PDE4D: variants seen among roughly 807,000 people sequenced by gnomAD.
The protein encoded by PDE4D is phosphodiesterase 4D.
In PDE4D, 24 loss-of-function variants were observed where a neutral mutation model predicts 87.4. The ratio of observed to expected loss-of-function variants is 0.27; its 90% confidence interval spans 0.20 to 0.39. The LOEUF is 0.39. Ranked by LOEUF, PDE4D falls within the 10% of genes least tolerant of loss-of-function variation. The pLI is 1.00. For missense variants in PDE4D, 714 were observed against 1,041.0 expected, an observed-to-expected ratio of 0.69 and a Z score of 4.32; for synonymous variants, 384 against 383.2, an observed-to-expected ratio of 1.00 and a Z score of -0.02.
chr5:59,379,578 A>G (rs1290243140), intron 1 of PDE4D, among the ~76,000 whole-genome samples: 1 of 152,082 alleles, frequency 6.6e-6, no homozygotes, highest in African/African-American at 2.4e-5. Context: ...GTTTACTATA[A>G]GCCATTTTCT....
intron 2 of PDE4D, among the ~76,000 whole-genome samples, chr5:60,085,891 A>G (rs1232497417): frequency 6.6e-6 from 1 of 152,204 alleles, no homozygotes; most frequent in East Asian, 1.9e-4. Context: ...AAATGATGCA[A>G]TTATCAGAGA....
At chr5:59,263,344 G>C (rs574202655) in intron 1 of PDE4D, among the ~76,000 whole-genome samples, 16 of 151,758 alleles carry the variant, frequency 1.1e-4, no homozygotes, top group Admixed American at 6.6e-5. Flanking sequence ...GACAATAATT[G>C]TAATCCTTCA....
intron 3 of PDE4D, among the ~76,000 whole-genome samples, chr5:59,912,971 A>G (rs6875850): frequency 0.65 from 98,811 of 152,008 alleles, 34,441 homozygotes; most frequent in African/African-American, 0.91. Context: ...AGTGTTCTTC[A>G]AGCTGAGAAC....
intron 5 of PDE4D, chr5:59,157,014 TAAA>T: frequency 1.0e-5 from 2 of 190,766 alleles, no homozygotes; most frequent in Non-Finnish European, 2.0e-5. Context: ...CTTCATTAAT[TAAA>T]AAAAAAAAAA....
At chr5:59,985,153 T>TTTTTTTTTTTTTTTTTTTTTTTTTTC (rs1762324284) in intron 3 of PDE4D, among the ~76,000 whole-genome samples, 1 of 131,720 alleles carries the variant, frequency 7.6e-6, no homozygotes, top group Non-Finnish European at 1.7e-5. Context: ...TTGTTTTTTA[T>TTTTTTTTTTTTTTTTTTTTTTTTTTC]TTTGAGACAG....
In PDE4D at chr5:58,975,859, T is replaced by A; in HGVS notation, c.1831-20A>T. The stretch of plus-strand genomic sequence containing the variant: ...AAGAACCTAAAATAGATGGATGCAT[T>A]CTCTATTCACTCCTGTTCCTTTTTT... On this transcript the variant is annotated intron_variant, in intron 13 of 14. Coordinates refer to ENST00000340635, the MANE Select transcript of PDE4D (RefSeq NM_001104631.2). This position sits in a 1 kb window ranked among gnomAD's most constrained non-coding sequence, Gnocchi z 4.2. 1 of 1,411,030 alleles carries A rather than the reference T, an allele frequency of 7.1e-7. No homozygotes were observed. The highest frequency in any genetic ancestry group is 9.4e-7 in the Non-Finnish European group (1 of 1,069,010). The allele number at this position is 1,411,030 out of a possible 1,614,324, so 87.4% of individuals were successfully genotyped here.
intron 5 of PDE4D, among the ~76,000 whole-genome samples, chr5:59,089,768 T>C (rs1288965290): frequency 2.6e-5 from 4 of 152,216 alleles, no homozygotes; most frequent in African/African-American, 7.2e-5. Context: ...CTGAGTTTCA[T>C]TGTCCTTGTA....
intron 1 of PDE4D, among the ~76,000 whole-genome samples, chr5:59,518,896 A>C (rs1393266702): frequency 2.0e-5 from 3 of 152,264 alleles, no homozygotes; most frequent in African/African-American, 7.2e-5. Flanking sequence ...CCATAAATGC[A>C]GCATAAACAG....
intron 1 of PDE4D, among the ~76,000 whole-genome samples, chr5:59,877,551 A>G (rs981536011): frequency 6.6e-6 from 1 of 151,450 alleles, no homozygotes; most frequent in Admixed American, 6.6e-5. Flanking sequence ...ATGGTGGGTC[A>G]CTCCTGTAAT....
intron 1 of PDE4D, among the ~76,000 whole-genome samples, chr5:59,466,699 A>T (rs1801630356): frequency 6.6e-6 from 1 of 152,182 alleles, no homozygotes; most frequent in African/African-American, 2.4e-5. Flanking sequence ...TGTAGCATTT[A>T]ATATTATATG....
chr5:59,025,038 T>C (rs921825280), intron 6 of PDE4D, among the ~76,000 whole-genome samples: 2 of 152,034 alleles, frequency 1.3e-5, no homozygotes, highest in East Asian at 3.8e-4. Context: ...AAAAAAAAAT[T>C]AGGACTTTAG....
chr5:60,410,227 G>A (rs577726361), intron 1 of PDE4D, among the ~76,000 whole-genome samples: 18 of 152,262 alleles, frequency 1.2e-4, no homozygotes, highest in East Asian at 7.7e-4. Flanking sequence ...GCTGGGTGTG[G>A]AGAGTCCATC....
chr5:60,310,434 G>A (rs990955206), intron 1 of PDE4D, among the ~76,000 whole-genome samples: 22 of 152,190 alleles, frequency 1.4e-4, no homozygotes, highest in African/African-American at 5.1e-4. Flanking sequence ...AGAAGGGAAG[G>A]TTTAAAAAAT....
chr5:60,124,388 A>G (rs981979768), intron 2 of PDE4D, among the ~76,000 whole-genome samples: 8 of 152,116 alleles, frequency 5.3e-5, no homozygotes, highest in African/African-American at 1.9e-4. Flanking sequence ...ACAGATGATT[A>G]TTTCACAACT....
intron 1 of PDE4D, among the ~76,000 whole-genome samples, chr5:59,336,680 C>T (rs893626505): frequency 8.5e-5 from 13 of 152,120 alleles, no homozygotes; most frequent in African/African-American, 3.1e-4. Context: ...GAGGTATAAC[C>T]AAATTACCAT....
At chr5:59,697,880 T>G (rs1752011435) in intron 1 of PDE4D, among the ~76,000 whole-genome samples, 4 of 152,184 alleles carry the variant, frequency 2.6e-5, no homozygotes, top group Admixed American at 2.6e-4. Context: ...TAGCCCTTGG[T>G]CCTACTTGAT....
Position 60,248,514 on chromosome 5 carries a change from A to G in PDE4D, c.-89-62827T>C, listed in dbSNP as rs1460581447. 2.6e-5 allele frequency among the ~76,000 whole-genome samples: 4 copies of G among 152,092 alleles called. No homozygotes were observed. In the East Asian group the frequency reaches 7.8e-4, roughly 30 times the overall value. On this transcript the variant is annotated intron_variant, in intron 1 of 16. Coordinates refer to the PDE4D transcript ENST00000502484. ...TTCAAGGATGTGGAGGCCAGCCTCC[A>G]AGGAGCAAGATGAACAGAAGGGGCT...
chr5:58,978,181 G>A (rs755380567), intron 11 of PDE4D, among the ~76,000 whole-genome samples: 4 of 152,084 alleles, frequency 2.6e-5, no homozygotes, highest in Non-Finnish European at 4.4e-5. Flanking sequence ...AAGCAAATCC[G>A]AGGCAGGAGG....
At chr5:60,422,576 G>A (rs1487983169) in intron 1 of PDE4D, among the ~76,000 whole-genome samples, 1 of 152,202 alleles carries the variant, frequency 6.6e-6, no homozygotes, top group Admixed American at 6.5e-5. Flanking sequence ...ACTGGTACCA[G>A]CCACTGCAAA....
Sources: gnomAD v4.1 joint callset for allele counts (sites outside exome capture counted in the v4.1 genomes callset) on GRCh38, gnomAD v4.1.1 for gene constraint, Gnocchi (gnomAD v3.1) non-coding constraint, MANE v1.5 for transcripts, NCBI Gene and HGNC (gene_info 2026-07-23, HGNC 2026-07-21) for gene names.